KIAA1328: variants seen among roughly 807,000 people sequenced by gnomAD.
KIAA1328 encodes KIAA1328.
A neutral mutation model predicts 68.1 loss-of-function variants in KIAA1328; 52 were observed. That is an observed-to-expected ratio of 0.76 (90% confidence interval 0.61 to 0.96). KIAA1328 has a LOEUF of 0.96. KIAA1328 is among the 40% of genes least tolerant of loss of function. The pLI, the probability that KIAA1328 is intolerant of heterozygous loss-of-function variation, is 0.00. For synonymous variants in KIAA1328, 232 were observed against 239.4 expected (o/e 0.97, Z 0.28); for missense variants, 641 against 677.6 (o/e 0.95, Z 0.60).
chr18:37,002,425 G>A (rs2053624789), intron 6 of KIAA1328, among the ~76,000 whole-genome samples: 1 of 151,302 alleles, frequency 6.6e-6, no homozygotes, highest in African/African-American at 2.4e-5. Flanking sequence ...TCACTGTGTT[G>A]CTCAGGCTGG....
chr18:36,870,070 A>G (rs944073205), intron 4 of KIAA1328, among the ~76,000 whole-genome samples: 1 of 151,810 alleles, frequency 6.6e-6, no homozygotes, highest in African/African-American at 2.4e-5. Context: ...CACCATGTTG[A>G]CCAGGATGGT....
At chr18:36,973,810 C>G (rs1488266849) in intron 6 of KIAA1328, among the ~76,000 whole-genome samples, 1 of 124,164 alleles carries the variant, frequency 8.1e-6, no homozygotes, top group East Asian at 2.5e-4. Flanking sequence ...TGTGTACGCA[C>G]ATACACACAC....
intron 9 of KIAA1328, among the ~76,000 whole-genome samples, chr18:37,202,258 A>C (rs1223909345): frequency 6.6e-6 from 1 of 152,228 alleles, no homozygotes. Flanking sequence ...TTCAAATGAA[A>C]GGTTATAACA....
intron 7 of KIAA1328, among the ~76,000 whole-genome samples, chr18:37,158,009 G>A (rs1340846680): frequency 6.6e-6 from 1 of 151,636 alleles, no homozygotes; most frequent in Admixed American, 6.6e-5. Context: ...TTCTGCAGGA[G>A]AAATTCCTTT....
At chr18:37,040,232 T>C (rs942829000) in intron 6 of KIAA1328, among the ~76,000 whole-genome samples, 1 of 152,348 alleles carries the variant, frequency 6.6e-6, no homozygotes, top group South Asian at 2.1e-4. Context: ...ATGAAGATCA[T>C]GTGGGCCATC....
chr18:36,925,177 T>C (rs539331633), intron 5 of KIAA1328: 13 of 152,316 alleles, frequency 8.5e-5, no homozygotes, highest in Admixed American at 2.6e-4. Flanking sequence ...GAATTGTGAT[T>C]AGTTTTTTTG....
chr18:37,120,130 G>A (rs189962006), intron 7 of KIAA1328, among the ~76,000 whole-genome samples: 13 of 152,214 alleles, frequency 8.5e-5, no homozygotes, highest in African/African-American at 3.1e-4. Flanking sequence ...AACCAAAGGT[G>A]TAAAGACAAT....
chr18:36,959,141 C>G (rs576581650), intron 5 of KIAA1328, among the ~76,000 whole-genome samples, 167 bp from the exon 6 acceptor site: 1 of 151,912 alleles, frequency 6.6e-6, no homozygotes. Flanking sequence ...TTATGATTTT[C>G]GGGGAGAAAT....
chr18:37,211,457 A>T (rs1430210570), intron 9 of KIAA1328, among the ~76,000 whole-genome samples: 1 of 152,194 alleles, frequency 6.6e-6, no homozygotes, highest in African/African-American at 2.4e-5. Flanking sequence ...GGCCAGTCAG[A>T]TATAAGGAAT....
chr18:37,111,390 G>A (rs2057925255), intron 7 of KIAA1328, among the ~76,000 whole-genome samples: 1 of 152,180 alleles, frequency 6.6e-6, no homozygotes, highest in Non-Finnish European at 1.5e-5. Flanking sequence ...TACCTTCACA[G>A]CAACCCTTAG....
chr18:37,084,338 C>T (rs951418882), intron 7 of KIAA1328: 2 of 466,914 alleles, frequency 4.3e-6, no homozygotes, highest in African/African-American at 4.0e-5. Flanking sequence ...GTTTTGTGAC[C>T]ATATGAATAC....
chr18:37,054,687 G>C (rs2055841178), intron 6 of KIAA1328, among the ~76,000 whole-genome samples: 1 of 152,166 alleles, frequency 6.6e-6, no homozygotes, highest in Admixed American at 6.5e-5. Context: ...TGGGGAAAAG[G>C]GTTGTAAAAG....
Position 37,225,245 on chromosome 18 carries a change from T to G in KIAA1328, c.*3018T>G. On this transcript the variant is annotated 3_prime_UTR_variant, in exon 10 of 10. Transcript: ENST00000280020. ...ACTCCTTCCAACTCACGATTTATCC[T>G]CAGCTCAGAGTGTATTTTGAATATG... 1 of 985,480 alleles carries G rather than the reference T, an allele frequency of 1.0e-6. No homozygotes were observed. The highest frequency in any genetic ancestry group is 1.2e-6 in the Non-Finnish European group (1 of 829,936). 61.0% of individuals were successfully genotyped at this position (985,480 alleles called of 1,614,324 possible).
intron 7 of KIAA1328, among the ~76,000 whole-genome samples, chr18:37,116,591 A>T (rs1378598465): frequency 6.6e-6 from 1 of 152,256 alleles, no homozygotes; most frequent in Non-Finnish European, 1.5e-5. Context: ...CATTCAGGAC[A>T]TAGGCATGGG....
chr18:37,211,944 G>C (rs1393953712), intron 9 of KIAA1328, among the ~76,000 whole-genome samples: 2 of 152,146 alleles, frequency 1.3e-5, no homozygotes, highest in Non-Finnish European at 2.9e-5. Context: ...TTTTTTAATA[G>C]AGAAAGCAGC....
intron 6 of KIAA1328, among the ~76,000 whole-genome samples, chr18:37,017,775 G>A (rs1290090791): frequency 1.3e-5 from 2 of 152,046 alleles, no homozygotes; most frequent in East Asian, 3.9e-4. Flanking sequence ...TATTAGAATA[G>A]TGACCCCTTC....
chr18:37,023,667 T>G (rs955418514), intron 6 of KIAA1328, among the ~76,000 whole-genome samples: 2 of 152,206 alleles, frequency 1.3e-5, no homozygotes, highest in African/African-American at 4.8e-5. Flanking sequence ...TTGGGTTTAC[T>G]TTCCATACAG....
chr18:37,192,566 G>C (rs2059927055), intron 9 of KIAA1328, among the ~76,000 whole-genome samples: 1 of 152,178 alleles, frequency 6.6e-6, no homozygotes, highest in Admixed American at 6.5e-5. Flanking sequence ...TTCTCCAGCA[G>C]TCAGCTTACG....
chr18:36,845,664 G>A (rs1294956996), intron 4 of KIAA1328, among the ~76,000 whole-genome samples: 2 of 151,722 alleles, frequency 1.3e-5, no homozygotes, highest in Non-Finnish European at 3.0e-5. Flanking sequence ...AAAAAAAGGG[G>A]AAAAAGTGAC....
Sources: allele counts gnomAD v4.1 joint callset (sites outside exome capture counted in the v4.1 genomes callset), GRCh38; gene constraint gnomAD v4.1.1; transcripts MANE v1.5; gene names NCBI Gene and HGNC (gene_info 2026-07-23, HGNC 2026-07-21).